Variants in HEPH observed in about 807,000 individuals in gnomAD.
The protein encoded by HEPH is hephaestin.
Under a neutral mutation model 80.8 loss-of-function variants are expected in HEPH, and 69 were observed. That is an observed-to-expected ratio of 0.85 (90% CI 0.70 to 1.04). The LOEUF (loss-of-function observed/expected upper bound fraction) is 1.04. Ranked by LOEUF, HEPH falls within the 50% of genes least tolerant of loss-of-function variation. HEPH has a pLI of 0.00. For synonymous variants in HEPH, 431 were observed against 322.8 expected, an observed-to-expected ratio of 1.34 and a Z score of -3.60; for missense variants, 1,115 against 891.3, an observed-to-expected ratio of 1.25 and a Z score of -3.20.
intron 13 of HEPH, 125 bp from the exon 14 acceptor site, chrX:66,207,070 T>TC (rs1320828525): frequency 3.0e-4 from 132 of 432,823 alleles, no homozygotes; most frequent in Middle Eastern, 2.3e-3. Context: ...AAGAAATAGG[T>TC]CCCCCCCCTT....
intron 4 of HEPH, among the ~76,000 whole-genome samples, chrX:66,181,850 T>G (rs1160240910): frequency 1.0e-5 from 1 of 100,074 alleles, no homozygotes; most frequent in Non-Finnish European, 2.0e-5. Flanking sequence ...GTTTAAATCT[T>G]TAATCCATCT....
Position 66,259,049 on chromosome X carries a change from A to C in HEPH, c.3036+70A>C. ...GTGGTTTAACAGCAATTGAGAAAAA[A>C]GGTAACAGTGTGGAACAGGTAACAA... On this transcript the variant is annotated intron_variant, in intron 18 of 20. Transcript: ENST00000343002. The C allele has an allele frequency of 2.8e-6, 3 of 1,068,903 alleles. No homozygotes were observed. In the South Asian group the frequency reaches 7.2e-5, roughly 26 times the overall value. The allele number at this position is 1,068,903 out of a possible 1,213,427, so 88.1% of individuals were successfully genotyped here.
At chrX:66,218,026 C>T (rs182869126) in intron 15 of HEPH, among the ~76,000 whole-genome samples, 10 of 110,934 alleles carry the variant, frequency 9.0e-5, no homozygotes, top group Non-Finnish European at 1.5e-4. Flanking sequence ...AACACTGGAG[C>T]CCCCAAATTT....
intron 15 of HEPH, among the ~76,000 whole-genome samples, chrX:66,236,970 C>T (rs1439131688): frequency 1.8e-5 from 2 of 111,244 alleles, no homozygotes; most frequent in Non-Finnish European, 3.8e-5. Context: ...GTAATATCCC[C>T]TTTGTCATTT....
intron 15 of HEPH, among the ~76,000 whole-genome samples, chrX:66,229,416 A>G (rs1462097889): frequency 9.0e-6 from 1 of 111,484 alleles, no homozygotes; most frequent in Non-Finnish European, 1.9e-5. Flanking sequence ...ATGCAAATGC[A>G]TAAGAATGAT....
chrX:66,162,770 C>G, upstream of HEPH: 1 of 1,155,069 alleles, frequency 8.7e-7, no homozygotes, highest in Non-Finnish European at 1.1e-6. Flanking sequence ...TCTGAATGTT[C>G]TCTTCCCTGG....
chrX:66,202,505 G>A (rs2088515284), intron 12 of HEPH, among the ~76,000 whole-genome samples: 1 of 111,697 alleles, frequency 9.0e-6, no homozygotes, highest in Non-Finnish European at 1.9e-5. Context: ...TGGAGCTTAA[G>A]ATCTGGTCCA....
intron 9 of HEPH, among the ~76,000 whole-genome samples, chrX:66,196,266 A>C (rs2088087770): frequency 9.0e-6 from 1 of 111,700 alleles, no homozygotes; most frequent in Admixed American, 9.5e-5. Flanking sequence ...AAAGCAAACA[A>C]ACAAAAACTG....
In HEPH at chrX:66,212,142, T is replaced by C. The variant is rs182856992; in HGVS notation, c.2563+3896T>C. On this transcript the variant is annotated intron_variant, in intron 15 of 20. Transcript: ENST00000343002. Reference sequence around the variant, plus strand: ...ACCTGTTGGCCATTTGTATGTCTTATTTTGAGAAATGTCTATTCATGTCCT... The same window carrying C: ...ACCTGTTGGCCATTTGTATGTCTTACTTTGAGAAATGTCTATTCATGTCCT... Among the ~76,000 whole-genome samples, 187 of 109,660 alleles carry C rather than the reference T, an allele frequency of 1.7e-3. 1 individual carries two copies. The highest frequency in any genetic ancestry group is 2.9e-3 in the Non-Finnish European group (150 of 52,579).
intron 15 of HEPH, among the ~76,000 whole-genome samples, chrX:66,232,369 A>C (rs2090185144): frequency 8.9e-6 from 1 of 111,870 alleles, no homozygotes; most frequent in South Asian, 3.8e-4. Flanking sequence ...TTACAATAAT[A>C]CTGCAGAAGG....
rs949599974 is a variant in HEPH at position 66,240,602 on chromosome X, A to G, written c.2564-14433A>G. On this transcript the variant is annotated intron_variant, in intron 15 of 20. Coordinates refer to ENST00000343002, the MANE Select transcript of HEPH (RefSeq NM_001367233.3). Reference sequence around the variant, plus strand: ...AAAGACATTCAGAAAATCTTAAAAAAACAGAGAAAATAAAATGAAATATAG... The same window carrying G: ...AAAGACATTCAGAAAATCTTAAAAAGACAGAGAAAATAAAATGAAATATAG... Among the ~76,000 whole-genome samples the G allele has an allele frequency of 2.7e-5, 3 of 111,059 alleles. No homozygotes were observed. In the East Asian group the frequency reaches 8.4e-4, roughly 31 times the overall value.
At chrX:66,235,332 T>G (rs1198434225) in intron 15 of HEPH, among the ~76,000 whole-genome samples, 2 of 112,199 alleles carry the variant, frequency 1.8e-5, no homozygotes, top group Non-Finnish European at 3.8e-5. Flanking sequence ...ACTTTTGGAT[T>G]TCACATTTAA....
chrX:66,213,576 T>G (rs1330215066), intron 15 of HEPH, among the ~76,000 whole-genome samples: 2 of 112,111 alleles, frequency 1.8e-5, no homozygotes, highest in Admixed American at 9.5e-5. Context: ...TATTTTATTA[T>G]TTTGTATAAC....
intron 15 of HEPH, among the ~76,000 whole-genome samples, chrX:66,220,180 A>G (rs1395959581): frequency 7.2e-5 from 8 of 111,385 alleles, no homozygotes; most frequent in African/African-American, 2.6e-4. Context: ...TTGATCTCCC[A>G]TTACAGTTCC....
At chrX:66,198,856 C>T (rs1276973034) in intron 10 of HEPH, 22 bp from the exon 11 acceptor site, 2 of 1,151,246 alleles carry the variant, frequency 1.7e-6, no homozygotes, top group African/African-American at 3.5e-5. Flanking sequence ...ATTCCCTCTA[C>T]TTTCTTCTAT....
At chrX:66,236,358 T>C (rs765686279) in intron 15 of HEPH, among the ~76,000 whole-genome samples, 14 of 111,911 alleles carry the variant, frequency 1.3e-4, no homozygotes, top group Non-Finnish European at 2.3e-4. Context: ...CTTTCCTGCA[T>C]CTATTGTGAT....
chrX:66,190,471 G>A (rs2087731709), intron 6 of HEPH, among the ~76,000 whole-genome samples: 1 of 111,432 alleles, frequency 9.0e-6, no homozygotes, highest in Admixed American at 9.5e-5. Context: ...CAGAGGGGAG[G>A]AAGAGCGTAT....
At chrX:66,259,551 T>A (rs2091287030) in intron 18 of HEPH, among the ~76,000 whole-genome samples, 1 of 111,824 alleles carries the variant, frequency 8.9e-6, no homozygotes, top group African/African-American at 3.3e-5. Flanking sequence ...TAAGCCAAAT[T>A]CCCCATATTT....
chrX:66,256,291 C>G lies in HEPH; in HGVS notation c.2857C>G (p.Leu953Val). The change falls in exon 17 of 21, where the codon CTA (leucine) becomes GTA (valine). Residue 953 changes from leucine to valine, a missense_variant. Leu to Val is a conservative substitution (Grantham distance 32). Transcript: ENST00000343002. ...HGSQDPGSIN[L>V]QDETFLESNK... ...GTCCCAGGATCCAGGCAGTATTAAC[C>G]TACAGGATGAAACTTTCTTGGAGAG... 2.5e-6 allele frequency: 3 copies of G among 1,210,278 alleles called. No individual in the cohort carries two copies. Among genetic ancestry groups the G allele is most frequent in the Non-Finnish European group, 3.4e-6 (3 of 894,408 alleles).
Sources: gnomAD v4.1 joint callset for allele counts (sites outside exome capture counted in the v4.1 genomes callset) on GRCh38, gnomAD v4.1.1 for gene constraint, MANE v1.5 for transcripts, NCBI Gene and HGNC (gene_info 2026-07-23, HGNC 2026-07-21) for gene names.